USP34: variants seen among roughly 807,000 people sequenced by gnomAD.
USP34 encodes the protein ubiquitin carboxyl-terminal hydrolase 34.
A neutral mutation model predicts 460.3 loss-of-function variants in USP34; 70 were observed. The observed-to-expected ratio is 0.15, with a 90% confidence interval of 0.13 to 0.19. The LOEUF is 0.19. Ranked by LOEUF, USP34 falls within the 10% of genes least tolerant of loss-of-function variation. The probability of loss-of-function intolerance (pLI) is 1.00; values close to 1 mark genes in which losing one functional copy is unlikely to be tolerated. For missense variants in USP34, 3,985 were observed against 4,236.2 expected (o/e 0.94, Z 1.65); for synonymous variants, 1,647 against 1,405.3 (o/e 1.17, Z -3.85).
chr2:61,219,500 G>C lies in USP34; in HGVS notation c.8047+810C>G, dbSNP rs188567992. ...AGCCTGGTCAACACGGTAAAACCCT[G>C]TCTCTACTAAAAATACAAAAATTAG... is the stretch of plus-strand genomic sequence containing the variant. On this transcript the variant is annotated intron_variant, in intron 67 of 79. Transcript: ENST00000398571. Among the ~76,000 whole-genome samples the C allele has an allele frequency of 2.7e-3, 414 of 152,140 alleles. 1 individual carries two copies. Among genetic ancestry groups the C allele is most frequent in the African/African-American group, 9.3e-3 (385 of 41,498 alleles).
intron 1 of USP34, among the ~76,000 whole-genome samples, chr2:61,437,375 G>C (rs1218411418): frequency 6.6e-6 from 1 of 152,112 alleles, no homozygotes; most frequent in Non-Finnish European, 1.5e-5. Flanking sequence ...AAGTACAAAG[G>C]ATCATTAGAG....
At chr2:61,199,903 T>A (rs956271286) in intron 75 of USP34, 3 of 152,390 alleles carry the variant, frequency 2.0e-5, no homozygotes, top group Non-Finnish European at 4.4e-5. Flanking sequence ...TTGATATTTA[T>A]CTTTCTGATA....
intron 1 of USP34, among the ~76,000 whole-genome samples, chr2:61,440,518 AT>A (rs1229533998): frequency 3.9e-3 from 553 of 140,182 alleles, no homozygotes; most frequent in Non-Finnish European, 3.8e-3. Context: ...CCCTTTTTAA[AT>A]TTTTTTTTTT....
rs939071176 is a variant in USP34, at chr2:61,220,556, C to T, written c.7900-99G>A. 16 of 1,149,136 alleles carry T rather than the reference C, an allele frequency of 1.4e-5. No individual in the cohort carries two copies. In the East Asian group the frequency reaches 4.2e-4, roughly 30 times the overall value. The allele number at this position is 1,149,136 out of a possible 1,614,324, so 71.2% of individuals were successfully genotyped here. On this transcript the variant is annotated intron_variant, in intron 66 of 79. Transcript: ENST00000398571. ...TGCTATTAGACACAAAGCTAAAGTA[C>T]TTTTTTGACAATTAGAGATTAAAAA... is the stretch of plus-strand genomic sequence containing the variant.
At chr2:61,394,333 G>A (rs942292099) in intron 5 of USP34, among the ~76,000 whole-genome samples, 2 of 151,690 alleles carry the variant, frequency 1.3e-5, no homozygotes, top group Non-Finnish European at 2.9e-5. Context: ...AATTTCCCAG[G>A]ACAGAATCCC....
intron 41 of USP34, among the ~76,000 whole-genome samples, chr2:61,277,229 T>G (rs114672354): frequency 2.7e-5 from 4 of 146,936 alleles, no homozygotes; most frequent in African/African-American, 9.9e-5. Flanking sequence ...TGATAAAATA[T>G]AGGTTACCTT....
At chr2:61,230,939 T>C (rs902827243) in intron 58 of USP34, among the ~76,000 whole-genome samples, 1 of 151,772 alleles carries the variant, frequency 6.6e-6, no homozygotes, top group African/African-American at 2.4e-5. Context: ...AACAAAAACT[T>C]GTACTAAAAG....
In USP34 at chr2:61,405,879, G is replaced by C. The variant is rs1164619188; in HGVS notation, c.381C>G (p.Asn127Lys). The change falls in exon 3 of 80, where the codon AAC becomes AAG. Residue 127 changes from asparagine to lysine, a missense_variant. By Grantham distance (94) the Asn-to-Lys change is moderately conservative. Around this residue, in one of 14 missense-constraint regions of USP34, gnomAD observed 331 missense variants for 293.7 expected, o/e 1.13. Coordinates refer to ENST00000398571, the MANE Select transcript of USP34 (RefSeq NM_014709.4). ...ERQKSIEKKSNSTRICNLTEE... is the reference protein window; with the variant it reads ...ERQKSIEKKSKSTRICNLTEE... Reference sequence around the variant, plus strand: ...CAGTCAGATTACAAATTCTTGTAGAGTTTGATTTTTTTTCTATTGATTTTT... The same window carrying C: ...CAGTCAGATTACAAATTCTTGTAGACTTTGATTTTTTTTCTATTGATTTTT... 16 of 1,613,478 alleles carry C rather than the reference G, an allele frequency of 9.9e-6. No homozygotes were observed. Among genetic ancestry groups the C allele is most frequent in the African/African-American group, 2.7e-5 (2 of 74,786 alleles).
intron 20 of USP34, among the ~76,000 whole-genome samples, chr2:61,326,565 C>T (rs1318457823): frequency 6.6e-6 from 1 of 151,966 alleles, no homozygotes; most frequent in Non-Finnish European, 1.5e-5. Flanking sequence ...TTGGCAACCC[C>T]AGTGAACTGC....
At chr2:61,291,927 C>T (rs1005302504) in intron 33 of USP34, among the ~76,000 whole-genome samples, 6 of 152,022 alleles carry the variant, frequency 3.9e-5, no homozygotes, top group Admixed American at 6.6e-5. Flanking sequence ...GGATGAATCT[C>T]GAAAATAGGC....
intron 1 of USP34, among the ~76,000 whole-genome samples, chr2:61,430,321 T>G: frequency 6.6e-6 from 1 of 151,772 alleles, no homozygotes; most frequent in Non-Finnish European, 1.5e-5. Context: ...GGAGAATCAC[T>G]TGAACCCAGG....
intron 48 of USP34, among the ~76,000 whole-genome samples, chr2:61,250,819 G>A (rs530724983): frequency 3.7e-4 from 56 of 152,144 alleles, no homozygotes; most frequent in Admixed American, 6.6e-4. Context: ...ATACTTAAGG[G>A]ATCAATAGGC....
chr2:61,446,594 G>C (rs556194986), intron 1 of USP34, among the ~76,000 whole-genome samples: 1 of 151,746 alleles, frequency 6.6e-6, no homozygotes, highest in Non-Finnish European at 1.5e-5. Flanking sequence ...TCAGGAGCTC[G>C]AGACCAGCCT....
intron 37 of USP34, among the ~76,000 whole-genome samples, chr2:61,282,940 A>G (rs531904732): frequency 1.5e-4 from 23 of 152,368 alleles, no homozygotes; most frequent in African/African-American, 5.0e-4. Flanking sequence ...TCAGAAAAAT[A>G]TAAATGCTAC....
intron 62 of USP34, among the ~76,000 whole-genome samples, chr2:61,224,994 G>A (rs1687686992): frequency 6.6e-6 from 1 of 152,114 alleles, no homozygotes; most frequent in African/African-American, 2.4e-5. Flanking sequence ...AATTCTTTCA[G>A]TGGGAAATGA....
intron 10 of USP34, among the ~76,000 whole-genome samples, chr2:61,356,492 CACACACAT>C (rs1363363533): frequency 5.4e-5 from 8 of 147,654 alleles, no homozygotes; most frequent in African/African-American, 7.5e-5. Flanking sequence ...CACACACACA[CACACACAT>C]ACACACACAC....
rs373015954 is a variant in USP34, at chr2:61,265,404, G to A, written c.5771C>T (p.Thr1924Ile). The A allele has an allele frequency of 1.9e-6, 3 of 1,603,374 alleles. No homozygotes were observed. The highest frequency in any genetic ancestry group is 2.3e-5 in the East Asian group (1 of 44,216). ...AAGTGAGGAAAATTCTACCTTGGCA[G>A]TGAAGACAGCCTGTCTTGCCTCAGG... ...MIPEARQAVF[T>I]AKYSEDMKHK... The change falls in exon 43 of 80, where the codon ACT becomes ATT. Residue 1924 changes from threonine to isoleucine, a missense_variant. This residue lies in a region of USP34 where 145 missense variants were observed against 291.6 expected (regional missense o/e 0.50). Transcript: ENST00000398571.
chr2:61,394,809 A>G lies in USP34; in HGVS notation c.753+44T>C, dbSNP rs766406397. 20 of 1,420,910 alleles carry G rather than the reference A, an allele frequency of 1.4e-5. No individual in the cohort carries two copies. In the African/African-American group the frequency reaches 2.5e-4, roughly 18 times the overall value. 88.0% of individuals were successfully genotyped at this position (1,420,910 alleles called of 1,614,324 possible). On this transcript the variant is annotated intron_variant, in intron 5 of 79. Transcript: ENST00000398571. ...ATAAAATTCATGTTACTGATATGCTAGACATTGCTCCCAAAATTAAGATCA... is the reference window on the plus strand; with the variant it reads ...ATAAAATTCATGTTACTGATATGCTGGACATTGCTCCCAAAATTAAGATCA...
At chr2:61,264,488 A>G (rs1168205606) in intron 43 of USP34, among the ~76,000 whole-genome samples, 1 of 150,794 alleles carries the variant, frequency 6.6e-6, no homozygotes, top group Non-Finnish European at 1.5e-5. Context: ...TAAAAGTAAA[A>G]AACTCCGCCA....
Sources: gnomAD v4.1 joint callset for allele counts (sites outside exome capture counted in the v4.1 genomes callset) on GRCh38, gnomAD v4.1.1 for gene constraint, gnomAD v4.1.1 regional missense constraint, MANE v1.5 for transcripts, NCBI Gene and HGNC (gene_info 2026-07-23, HGNC 2026-07-21) for gene names.